The following MSRB3 variants were observed in gnomAD, a reference collection of about 807,000 sequenced individuals.
The protein encoded by MSRB3 is methionine sulfoxide reductase B3.
Under a neutral mutation model 21.0 loss-of-function variants are expected in MSRB3, and 13 were observed. The ratio of observed to expected loss-of-function variants is 0.62; its 90% confidence interval spans 0.40 to 0.98. The LOEUF is 0.98. Ranked by LOEUF, MSRB3 falls within the 50% of genes least tolerant of loss-of-function variation. The pLI is 0.00. For synonymous variants in MSRB3, 87 were observed against 88.6 expected, an observed-to-expected ratio of 0.98 and a Z score of 0.10; for missense variants, 199 against 230.3, an observed-to-expected ratio of 0.86 and a Z score of 0.88.
intron 4 of MSRB3, among the ~76,000 whole-genome samples, chr12:65,342,613 A>G (rs1437554881): frequency 6.6e-6 from 1 of 152,014 alleles, no homozygotes; most frequent in Non-Finnish European, 1.5e-5. Flanking sequence ...AGGTCTAGCA[A>G]TTACACTTCT....
chr12:65,281,634 T>C (rs953779547), intron 1 of MSRB3: 2 of 152,252 alleles, frequency 1.3e-5, no homozygotes, highest in African/African-American at 4.8e-5. Context: ...GTGCTGATTA[T>C]GTCATAGGGT....
chr12:65,445,503 G>T (rs1882572167), intron 5 of MSRB3, among the ~76,000 whole-genome samples: 1 of 150,342 alleles, frequency 6.7e-6, no homozygotes, highest in Non-Finnish European at 1.5e-5. Context: ...AGGATAACTG[G>T]TAACCAAAAT....
intron 5 of MSRB3, among the ~76,000 whole-genome samples, chr12:65,377,028 C>A (rs1456673568): frequency 6.6e-6 from 1 of 152,184 alleles, no homozygotes; most frequent in African/African-American, 2.4e-5. Flanking sequence ...TTAAGATCGT[C>A]CCCCGACTAC....
At chr12:65,434,092 A>G (rs945474764) in intron 5 of MSRB3, among the ~76,000 whole-genome samples, 2 of 151,912 alleles carry the variant, frequency 1.3e-5, no homozygotes, top group African/African-American at 2.4e-5. Flanking sequence ...CATTTAGTGT[A>G]TGGGGTCCGT....
chr12:65,344,990 G>A (rs1876394712), intron 4 of MSRB3, among the ~76,000 whole-genome samples: 1 of 152,010 alleles, frequency 6.6e-6, no homozygotes, highest in Non-Finnish European at 1.5e-5. Context: ...TCCAGGCGAA[G>A]GTTAAGGAAG....
chr12:65,387,679 A>T (rs1413571086), intron 5 of MSRB3, among the ~76,000 whole-genome samples: 1 of 152,128 alleles, frequency 6.6e-6, no homozygotes, highest in African/African-American at 2.4e-5. Context: ...CAATTTCCTC[A>T]TTTGTAAAAC....
At chr12:65,342,406 A>AT (rs1876205387) in intron 4 of MSRB3, among the ~76,000 whole-genome samples, 3 of 152,132 alleles carry the variant, frequency 2.0e-5, no homozygotes, top group Middle Eastern at 3.4e-3. Flanking sequence ...CCTCTTAATA[A>AT]TAAAAAATGA....
At chr12:65,412,361 C>G (rs1201557862) in intron 5 of MSRB3, among the ~76,000 whole-genome samples, 1 of 152,166 alleles carries the variant, frequency 6.6e-6, no homozygotes, top group African/African-American at 2.4e-5. Context: ...CTTCACCTAT[C>G]CCCTTCAGGA....
At chr12:65,392,825 G>C (rs776988339) in intron 5 of MSRB3, among the ~76,000 whole-genome samples, 1 of 152,146 alleles carries the variant, frequency 6.6e-6, no homozygotes, top group Non-Finnish European at 1.5e-5. Context: ...TGTTGCTCTG[G>C]AACGAATTGT....
intron 5 of MSRB3, among the ~76,000 whole-genome samples, chr12:65,422,378 G>T (rs1183294279): frequency 1.8e-5 from 2 of 113,918 alleles, no homozygotes; most frequent in African/African-American, 6.8e-5. Context: ...TTAATTTTTG[G>T]GAGTACATAG....
At chr12:65,463,034 T>G in intron 6 of MSRB3, 121 bp from the exon 7 acceptor site, 1 of 1,232,516 alleles carries the variant, frequency 8.1e-7, no homozygotes, top group Non-Finnish European at 1.2e-6. Context: ...TTAGAAATCA[T>G]CCACGATGGT....
At chr12:65,400,476 T>C (rs1229689752) in intron 5 of MSRB3, among the ~76,000 whole-genome samples, 3 of 152,166 alleles carry the variant, frequency 2.0e-5, no homozygotes, top group African/African-American at 7.2e-5. Context: ...CATTTTTTAT[T>C]GTGTCTATTT....
At chr12:65,313,144 C>T (rs560450909) in intron 2 of MSRB3, among the ~76,000 whole-genome samples, 235 of 152,194 alleles carry the variant, frequency 1.5e-3, no homozygotes, top group African/African-American at 5.4e-3. Context: ...TGAATAAGTA[C>T]GTAGTATACT....
rs187116418 is a variant in MSRB3, at chr12:65,296,667, G to C, written c.-51-11862G>C. Among the ~76,000 whole-genome samples, 4 of 152,300 alleles carry C rather than the reference G, an allele frequency of 2.6e-5. No individual in the cohort carries two copies. In the East Asian group the frequency reaches 7.7e-4, roughly 29 times the overall value. On this transcript the variant is annotated intron_variant, in intron 1 of 6. Coordinates refer to ENST00000308259, the MANE Select transcript of MSRB3 (RefSeq NM_001031679.3). ...GGATACCCTAGTCCCTGGGAACTAG[G>C]ACACTACGCACAAAGATGAAGGAAA...
intron 4 of MSRB3, among the ~76,000 whole-genome samples, chr12:65,345,658 G>A (rs1876443895): frequency 6.6e-6 from 1 of 152,080 alleles, no homozygotes; most frequent in Non-Finnish European, 1.5e-5. Flanking sequence ...GTATACATGT[G>A]CCATGTTGGT....
intron 5 of MSRB3, among the ~76,000 whole-genome samples, chr12:65,372,342 C>T (rs1355569310): frequency 6.6e-6 from 1 of 152,186 alleles, no homozygotes; most frequent in Admixed American, 6.5e-5. Context: ...GTTAAAATGT[C>T]AGCTGCCATT....
chr12:65,368,765 AAGTT>A (rs1358759133), intron 4 of MSRB3, among the ~76,000 whole-genome samples: 1 of 152,186 alleles, frequency 6.6e-6, no homozygotes, highest in Non-Finnish European at 1.5e-5. Flanking sequence ...CAAATTTAAA[AAGTT>A]AATGTCTTTT....
chr12:65,288,607 T>G (rs539026733), intron 1 of MSRB3, among the ~76,000 whole-genome samples: 1 of 152,298 alleles, frequency 6.6e-6, no homozygotes, highest in Non-Finnish European at 1.5e-5. Flanking sequence ...AGCATCATAT[T>G]AAATATCCCA....
intron 5 of MSRB3, among the ~76,000 whole-genome samples, chr12:65,394,685 T>C (rs1427739516): frequency 1.3e-5 from 2 of 152,118 alleles, no homozygotes; most frequent in African/African-American, 4.8e-5. Flanking sequence ...ATACACAAAA[T>C]CCTTAACAAA....
Sources: gnomAD v4.1 joint callset for allele counts (sites outside exome capture counted in the v4.1 genomes callset) on GRCh38, gnomAD v4.1.1 for gene constraint, MANE v1.5 for transcripts, NCBI Gene and HGNC (gene_info 2026-07-23, HGNC 2026-07-21) for gene names.